Variants in DHX34 observed in about 807,000 individuals in gnomAD.
DHX34 encodes DExH-box helicase 34.
DHX34 carries 96 observed loss-of-function variants against 111.1 expected under a neutral mutation model. The ratio of observed to expected loss-of-function variants is 0.86; its 90% CI spans 0.73 to 1.02. The LOEUF (loss-of-function observed/expected upper bound fraction) is 1.02, where lower values mean the gene tolerates loss of function less well. DHX34 is among the 50% of genes least tolerant of loss of function. DHX34 has a pLI of 0.00. For missense variants in DHX34, 1,560 were observed against 1,579.9 expected (o/e 0.99, Z 0.21); for synonymous variants, 688 against 670.4 (o/e 1.03, Z -0.41).
chr19:47,353,908 C>G lies in DHX34; in HGVS notation c.705+173C>G, dbSNP rs145006212. On this transcript the variant is annotated intron_variant, in intron 2 of 16. Transcript: ENST00000328771. This position sits in a 1 kb window ranked among gnomAD's most constrained non-coding sequence, Gnocchi z 4.6. ...GTCTGTGGTCTACATGACAAAGGAG[C>G]TAGCATTAACCAGTGTAGCACTTTA... 2.6e-4 allele frequency among the ~76,000 whole-genome samples: 40 copies of G among 152,322 alleles called. No individual in the cohort carries two copies. The East Asian group carries it at 7.7e-3, about 29-fold the overall frequency.
chr19:47,370,645 A>C (rs373957000), intron 7 of DHX34, among the ~76,000 whole-genome samples: 114 of 151,686 alleles, frequency 7.5e-4, no homozygotes, highest in African/African-American at 2.6e-3. Flanking sequence ...AGGGCTGCCC[A>C]GGCTAAGAAG....
chr19:47,381,300 C>T lies in DHX34; in HGVS notation c.3274C>T (p.Gln1092Ter), dbSNP rs754408548. ...ERIAHENTCP[Q>*]APQDGPPGAE... ...CATCGCCCATGAGAACACCTGCCCC[C>T]AGGCCCCACAGGATGGGCCCCCAGG... Residue 1092 changes from glutamine (Q) to a stop codon, truncating the protein, a stop_gained, in exon 16 of 17, where the codon CAG becomes TAG. Coordinates refer to ENST00000328771, the MANE Select transcript of DHX34 (RefSeq NM_014681.6). LOFTEE classifies it low-confidence loss of function (END_TRUNC). 1 of 1,613,782 alleles carries T rather than the reference C, an allele frequency of 6.2e-7. No homozygotes were observed. Among genetic ancestry groups the T allele is most frequent in the South Asian group, 1.1e-5 (1 of 91,038 alleles).
chr19:47,364,344 C>T (rs1458636377), intron 6 of DHX34, among the ~76,000 whole-genome samples: 5 of 152,180 alleles, frequency 3.3e-5, no homozygotes, highest in African/African-American at 9.7e-5. Context: ...CTGATGGTGT[C>T]TGCCACAGGC....
In DHX34 at chr19:47,375,601, C is replaced by T. The variant is rs61751860; in HGVS notation, c.2200C>T (p.Arg734Cys). The change falls in exon 10 of 17, where the codon CGC (arginine) becomes TGC (cysteine). Residue 734 changes from arginine (R) to cysteine (C), a missense_variant. Coordinates refer to ENST00000328771, the MANE Select transcript of DHX34 (RefSeq NM_014681.6). Reference sequence around the variant, plus strand: ...ACGCCAGCACGAGGAGGGCGCGGGGCGCAGGCGCAAGGTGCTGCGGCTGCA... The same window carrying T: ...ACGCCAGCACGAGGAGGGCGCGGGGTGCAGGCGCAAGGTGCTGCGGCTGCA... ...LKRQHEEGAG[R>C]RRKVLRLQEE... 0.14 allele frequency: 219,169 copies of T among 1,546,692 alleles called. 16,569 individuals carry two copies. The highest frequency in any genetic ancestry group is 0.17 in the Middle Eastern group (1,022 of 5,872).
intron 14 of DHX34, 174 bp from the exon 15 acceptor site, chr19:47,380,642 A>G: frequency 1.0e-6 from 1 of 985,240 alleles, no homozygotes; most frequent in Non-Finnish European, 1.2e-6. Flanking sequence ...TATCAGGTAT[A>G]TTCTAGACAG....
In DHX34 at chr19:47,372,829, A is replaced by G. The variant is rs1970009313; in HGVS notation, c.1868A>G (p.Gln623Arg). The part of the protein sequence containing the change: ...SVQSPFTRSA[Q>R]SSPECAAARR... ...CAGTCGCCCTTCACCCGCAGCGCCC[A>G]GAGCAGCCCAGAGTGCGCGGCAGCA... The change falls in exon 8 of 17, where the codon CAG (glutamine) becomes CGG (arginine). Residue 623 changes from glutamine to arginine, a missense_variant. Transcript: ENST00000328771. 2 of 1,612,796 alleles carry G rather than the reference A, an allele frequency of 1.2e-6. No homozygotes were observed. The highest frequency in any genetic ancestry group is 1.7e-6 in the Non-Finnish European group (2 of 1,179,792).
intron 11 of DHX34, 95 bp downstream of exon 11, chr19:47,376,192 A>AG: frequency 6.7e-7 from 1 of 1,483,260 alleles, no homozygotes; most frequent in South Asian, 1.4e-5. Context: ...GACTGAAACA[A>AG]CCCTGGTTCT....
chr19:47,360,711 C>T (rs1042317802), intron 5 of DHX34, among the ~76,000 whole-genome samples: 3 of 151,466 alleles, frequency 2.0e-5, no homozygotes, highest in Admixed American at 6.6e-5. Context: ...TGTTTTGAGA[C>T]GGAGTCTTGC....
intron 6 of DHX34, 37 bp downstream of exon 6, chr19:47,362,730 G>T (rs1406638232): frequency 6.5e-7 from 1 of 1,547,068 alleles, no homozygotes; most frequent in Admixed American, 2.1e-5. Context: ...TATCCTAACT[G>T]CTGGCACAGG....
chr19:47,364,212 C>T (rs1568399272), intron 6 of DHX34, among the ~76,000 whole-genome samples: 1 of 152,138 alleles, frequency 6.6e-6, no homozygotes, highest in Non-Finnish European at 1.5e-5. Flanking sequence ...AAATGGTGCA[C>T]TTGCCTTGCA....
intron 7 of DHX34, 126 bp downstream of exon 7, chr19:47,367,281 A>G (rs1025060644): frequency 1.9e-6 from 2 of 1,054,512 alleles, no homozygotes; most frequent in African/African-American, 3.3e-5. Context: ...TTCACTCTTC[A>G]CTGGGCCAGG....
chr19:47,376,019 G>A lies in DHX34; in HGVS notation c.2403G>A (p.Lys801=), dbSNP rs762081591. ...DLSREQLALL[K]LVLGRGLYPQ... ...GCCGCGAGCAGCTGGCTCTGCTGAA[G>A]CTGGTGCTGGGCCGGGGCCTGTACC... Residue 801 remains lysine, a synonymous_variant, in exon 11 of 17, where the codon AAG becomes AAA. Transcript: ENST00000328771. 2.0e-5 allele frequency: 32 copies of A among 1,605,294 alleles called. No homozygotes were observed. The highest frequency in any genetic ancestry group is 2.6e-5 in the Non-Finnish European group (31 of 1,177,392).
At chr19:47,368,639 T>TACAC (rs533434183) in intron 7 of DHX34, among the ~76,000 whole-genome samples, 31 of 145,702 alleles carry the variant, frequency 2.1e-4, no homozygotes, top group Admixed American at 3.5e-4. Context: ...TGTATATATA[T>TACAC]ACACACACAC....
In DHX34 at chr19:47,376,767, T is replaced by C. The variant is rs1432689661; in HGVS notation, c.2599+207T>C. 7 of 1,460,360 alleles carry C rather than the reference T, an allele frequency of 4.8e-6. No homozygotes were observed. In the African/African-American group the frequency reaches 7.0e-5, roughly 15 times the overall value. The allele number at this position is 1,460,360 out of a possible 1,614,324, so 90.5% of individuals were successfully genotyped here. On this transcript the variant is annotated intron_variant, in intron 12 of 16. Coordinates refer to ENST00000328771, the MANE Select transcript of DHX34 (RefSeq NM_014681.6). ...CTGGGCCTCACCTTCCGCATGGTGG[T>C]GATAGTCAACCTAAGCCAGTGTGGC...
Position 47,377,190 on chromosome 19 carries a change from G to A in DHX34, c.2690G>A (p.Arg897His), listed in dbSNP as rs745487735. The change falls in exon 13 of 17, where the codon CGC becomes CAC. Residue 897 changes from arginine (R) to histidine (H), a missense_variant. Physicochemically the swap from Arg to His is conservative, Grantham distance 29. Coordinates refer to ENST00000328771, the MANE Select transcript of DHX34 (RefSeq NM_014681.6). ...TNKPYLVNCV[R>H]IPALQSLLLF... ...AAGCCGTACCTGGTGAACTGCGTCC[G>A]CATCCCTGCCCTCCAGGTGGGCCTC... 14 of 1,613,252 alleles carry A rather than the reference G, an allele frequency of 8.7e-6. No homozygotes were observed. Among genetic ancestry groups the A allele is most frequent in the South Asian group, 5.5e-5 (5 of 91,018 alleles).
At chr19:47,354,001 G>A (rs765453215) in intron 2 of DHX34, among the ~76,000 whole-genome samples, 20 of 152,184 alleles carry the variant, frequency 1.3e-4, no homozygotes, top group Non-Finnish European at 2.4e-4. Context: ...CTCACTCTGT[G>A]GCCCAGGCTG....
At chr19:47,372,999 C>G in intron 8 of DHX34, 76 bp downstream of exon 8, 1 of 1,465,776 alleles carries the variant, frequency 6.8e-7, no homozygotes, top group South Asian at 1.4e-5. Context: ...GGCTCCTCCT[C>G]GTGTCCCACC....
At chr19:47,359,695 T>C (rs556118068) in intron 4 of DHX34, among the ~76,000 whole-genome samples, 61 of 152,082 alleles carry the variant, frequency 4.0e-4, no homozygotes, top group African/African-American at 1.4e-3. Flanking sequence ...GGCAAGATAA[T>C]TGCTTGAACC....
At chr19:47,379,464 C>A in intron 13 of DHX34, 1 of 356,824 alleles carries the variant, frequency 2.8e-6, no homozygotes, top group Non-Finnish European at 3.9e-6. Flanking sequence ...AGCTGTCTCT[C>A]TCCCAGCACG....
Sources: gnomAD v4.1 joint callset for allele counts (sites outside exome capture counted in the v4.1 genomes callset) on GRCh38, gnomAD v4.1.1 for gene constraint, Gnocchi (gnomAD v3.1) non-coding constraint, MANE v1.5 for transcripts, NCBI Gene and HGNC (gene_info 2026-07-23, HGNC 2026-07-21) for gene names.